The following SETD2 variants were observed in gnomAD, a reference collection of about 807,000 sequenced individuals.
SETD2 encodes SET domain containing 2, histone lysine methyltransferase.
SETD2 carries 31 observed loss-of-function variants against 242.1 expected under a neutral mutation model. The ratio of observed to expected loss-of-function variants is 0.13; its 90% confidence interval spans 0.10 to 0.17. SETD2 has a LOEUF of 0.17. SETD2 is among the 10% of genes least tolerant of loss of function. The probability of loss-of-function intolerance (pLI) is 1.00; values close to 1 mark genes in which losing one functional copy is unlikely to be tolerated. For missense variants in SETD2, 2,481 were observed against 3,046.3 expected (o/e 0.81, Z 4.37); for synonymous variants, 1,006 against 1,066.5 (o/e 0.94, Z 1.11).
chr3:47,133,587 G>C (rs553675685), intron 1 of SETD2, among the ~76,000 whole-genome samples: 2 of 152,018 alleles, frequency 1.3e-5, no homozygotes, highest in African/African-American at 4.8e-5. Flanking sequence ...ACAAAAATTA[G>C]CCAGGCGTGG....
Position 47,016,609 on chromosome 3 carries a change from T to TA in SETD2, c.*483dup, listed in dbSNP as rs1186712360. 1.3e-5 allele frequency: 3 copies of TA among 234,454 alleles called. No homozygotes were observed. Among genetic ancestry groups the TA allele is most frequent in the East Asian group, 1.2e-4 (2 of 16,610 alleles). 14.5% of individuals were successfully genotyped at this position (234,454 alleles called of 1,614,324 possible). ...ACAAATTAAACCTTGCAGGAGAACT[T>TA]AAACTGTCCTTACAAAGTCTTCCTG... is the stretch of plus-strand genomic sequence containing the variant. On this transcript the variant is annotated 3_prime_UTR_variant, in exon 21 of 21. Transcript: ENST00000409792.
chr3:47,101,341 ATAAGAGT>A (rs1185282861), intron 8 of SETD2, 110 bp downstream of exon 8: 6 of 622,162 alleles, frequency 9.6e-6, no homozygotes, highest in African/African-American at 1.9e-5. Context: ...TATCTTATAG[ATAAGAGT>A]TAAGAGTAAA....
intron 1 of SETD2, among the ~76,000 whole-genome samples, chr3:47,156,522 A>G (rs1222290862): frequency 6.6e-6 from 1 of 152,214 alleles, no homozygotes; most frequent in Non-Finnish European, 1.5e-5. Flanking sequence ...AATGTAGCAA[A>G]AGCAAATGGC....
In SETD2 at chr3:47,072,848, G is replaced by A. The variant is rs188490020; in HGVS notation, c.6061-5730C>T. On this transcript the variant is annotated intron_variant, in intron 12 of 20. Coordinates refer to ENST00000409792, the MANE Select transcript of SETD2 (RefSeq NM_014159.7). Reference sequence around the variant, plus strand: ...TGTAGTCTCAGCTACTCAGGAGGCTGAGGCAGGAGAATGGTGTGACCCTGG... The same window carrying A: ...TGTAGTCTCAGCTACTCAGGAGGCTAAGGCAGGAGAATGGTGTGACCCTGG... 1.1e-3 allele frequency among the ~76,000 whole-genome samples: 168 copies of A among 151,888 alleles called. 1 individual carries two copies. Among genetic ancestry groups the A allele is most frequent in the Middle Eastern group, 6.8e-3 (2 of 292 alleles).
intron 1 of SETD2, among the ~76,000 whole-genome samples, chr3:47,128,794 C>T (rs953205729): frequency 4.6e-5 from 7 of 152,052 alleles, no homozygotes; most frequent in Admixed American, 3.9e-4. Flanking sequence ...ATTTTTTTCA[C>T]GTCTCAACGT....
intron 4 of SETD2, 44 bp downstream of exon 4, chr3:47,116,579 T>G (rs2042861780): frequency 6.4e-7 from 1 of 1,564,944 alleles, no homozygotes; most frequent in African/African-American, 1.4e-5. Context: ...TAGAGACATT[T>G]AATAGAAGTG....
At chr3:47,151,431 A>C (rs1306804798) in intron 1 of SETD2, among the ~76,000 whole-genome samples, 1 of 152,242 alleles carries the variant, frequency 6.6e-6, no homozygotes, top group Non-Finnish European at 1.5e-5. Context: ...GCACACAGCT[A>C]ACAAAAAAAT....
chr3:47,048,531 A>G (rs1205633080), intron 15 of SETD2, among the ~76,000 whole-genome samples: 1 of 152,194 alleles, frequency 6.6e-6, no homozygotes, highest in Non-Finnish European at 1.5e-5. Context: ...ACTGTAGACT[A>G]TAAACACTTG....
chr3:47,057,127 G>A lies in SETD2; in HGVS notation c.6657C>T (p.Ala2219=), dbSNP rs1247999135. ...LVGHSTEPLS[A]PPPVPVVPHV... ...GTGGCACCACTGGTACTGGTGGAGG[G>A]GCAGAAAGGGGTTCTGTAGAATGTC... Residue 2219 remains alanine (A), a synonymous_variant, in exon 15 of 21, where the codon GCC becomes GCT. Coordinates refer to ENST00000409792, the MANE Select transcript of SETD2 (RefSeq NM_014159.7). The A allele has an allele frequency of 1.2e-6, 2 of 1,614,184 alleles. No homozygotes were observed. Among genetic ancestry groups the A allele is most frequent in the South Asian group, 1.1e-5 (1 of 91,088 alleles).
intron 1 of SETD2, among the ~76,000 whole-genome samples, chr3:47,155,715 A>T (rs1160760072): frequency 6.6e-6 from 1 of 152,180 alleles, no homozygotes; most frequent in Non-Finnish European, 1.5e-5. Flanking sequence ...CTGAGGTGGG[A>T]GGATCGCTTG....
At chr3:47,044,576 T>C (rs921908195) in intron 16 of SETD2, among the ~76,000 whole-genome samples, 1 of 152,126 alleles carries the variant, frequency 6.6e-6, no homozygotes, top group African/African-American at 2.4e-5. Context: ...AAAGTGCTGA[T>C]TTGACCATGC....
chr3:47,118,602 T>G (rs2107734639), intron 3 of SETD2, among the ~76,000 whole-genome samples: 1 of 151,196 alleles, frequency 6.6e-6, no homozygotes, highest in East Asian at 1.9e-4. Flanking sequence ...CCGGCAGAGG[T>G]TGCAGTGAGC....
intron 10 of SETD2, among the ~76,000 whole-genome samples, chr3:47,086,537 A>G (rs895771667): frequency 6.6e-6 from 1 of 152,218 alleles, no homozygotes; most frequent in African/African-American, 2.4e-5. Flanking sequence ...CAGCCAGTCA[A>G]CTGGGATTTT....
chr3:47,137,850 C>G (rs1026052471), intron 1 of SETD2, among the ~76,000 whole-genome samples: 6 of 151,938 alleles, frequency 3.9e-5, no homozygotes, highest in Non-Finnish European at 7.4e-5. Flanking sequence ...CCACACCCAG[C>G]TAATTTTATT....
Position 47,092,798 on chromosome 3 carries a change from C to T in SETD2, c.5143-4551G>A, listed in dbSNP as rs2041857351. Among the ~76,000 whole-genome samples the T allele has an allele frequency of 2.0e-5, 3 of 152,100 alleles. No individual in the cohort carries two copies. The South Asian group carries it at 6.2e-4, about 32-fold the overall frequency. On this transcript the variant is annotated intron_variant, in intron 9 of 20. Coordinates refer to ENST00000409792, the MANE Select transcript of SETD2 (RefSeq NM_014159.7). ...AGGTTTAATAAACAGGTGAGCAACA[C>T]CCATACAGCCACCATCCAGGTAAGT...
At chr3:47,157,496 T>C (rs970053994) in intron 1 of SETD2, 23 of 456,000 alleles carry the variant, frequency 5.0e-5, no homozygotes. Context: ...AACTTTCTTT[T>C]GACCAAATTT....
At chr3:47,156,133 C>A (rs1352431753) in intron 1 of SETD2, among the ~76,000 whole-genome samples, 1 of 152,174 alleles carries the variant, frequency 6.6e-6, no homozygotes, top group African/African-American at 2.4e-5. Context: ...AGAAGCTGGT[C>A]AACTTTTGAT....
intron 18 of SETD2, among the ~76,000 whole-genome samples, chr3:47,030,738 GGAA>G (rs1408622997): frequency 6.6e-6 from 1 of 152,108 alleles, no homozygotes; most frequent in Non-Finnish European, 1.5e-5. Context: ...AGTGTTGAAA[GGAA>G]GAAAATATAA....
Position 47,164,052 on chromosome 3 carries a change from G to A in SETD2, c.-128C>T. On this transcript the variant is annotated 5_prime_UTR_variant, in exon 1 of 21. Coordinates refer to ENST00000409792, the MANE Select transcript of SETD2 (RefSeq NM_014159.7). This position sits in a 1 kb window ranked among gnomAD's most constrained non-coding sequence, Gnocchi z 5.4. ...GGCGGCGGCGGCGGCGGCAGGGGCG[G>A]CCCGCGTCGCTACCTCGCTCGTCGC... is the stretch of plus-strand genomic sequence containing the variant. 1.6e-6 allele frequency: 2 copies of A among 1,213,774 alleles called. No individual in the cohort carries two copies. The highest frequency in any genetic ancestry group is 2.1e-6 in the Non-Finnish European group (2 of 971,954). 75.2% of individuals were successfully genotyped at this position (1,213,774 alleles called of 1,614,324 possible). A position where few individuals can be genotyped will look rare whatever the true frequency, so the allele number is the denominator to read the frequency against.
Sources: allele counts gnomAD v4.1 joint callset (sites outside exome capture counted in the v4.1 genomes callset), GRCh38; gene constraint gnomAD v4.1.1; non-coding constraint Gnocchi (gnomAD v3.1); transcripts MANE v1.5; gene names NCBI Gene and HGNC (gene_info 2026-07-23, HGNC 2026-07-21).